The following N4BP3 variants were observed in gnomAD, a reference collection of about 807,000 sequenced individuals.
N4BP3 encodes the protein NEDD4-binding protein 3.
N4BP3 carries 33 observed loss-of-function variants against 43.8 expected under a neutral mutation model. The ratio of observed to expected loss-of-function variants is 0.75; its 90% CI spans 0.57 to 1.01. The LOEUF (loss-of-function observed/expected upper bound fraction) is 1.01. Among genes scored for constraint, N4BP3 ranks in the 50% least tolerant of loss-of-function variants. The pLI is 0.00. For missense variants in N4BP3, 756 were observed against 744.2 expected (o/e 1.02, Z -0.18); for synonymous variants, 326 against 321.9 (o/e 1.01, Z -0.14).
Position 178,118,867 on chromosome 5 carries a change from C to CT in N4BP3, c.-30-671dup, listed in dbSNP as rs1163342087. On this transcript the variant is annotated intron_variant, in intron 1 of 4. Transcript: ENST00000274605. This position sits in a 1 kb window ranked among gnomAD's most constrained non-coding sequence, Gnocchi z 5.4. ...GTCAGGTTCAGCCAGGCTGAGTTTT[C>CT]TTTTTTTTTTTTTTTTGAGATGGAG... Among the ~76,000 whole-genome samples, 3,571 of 137,600 alleles carry CT rather than the reference C, an allele frequency of 0.026. 60 individuals carry two copies. Among genetic ancestry groups the CT allele is most frequent in the East Asian group, 0.084 (394 of 4,706 alleles). The allele number at this position is 137,600 out of a possible 152,430, so 90.3% of individuals were successfully genotyped here. A position where few individuals can be genotyped will look rare whatever the true frequency, so the allele number is the denominator to read the frequency against.
intron 1 of N4BP3, among the ~76,000 whole-genome samples, chr5:178,116,197 AGCTGCCCTG>A (rs1757768557): frequency 9.7e-6 from 1 of 103,464 alleles, no homozygotes; most frequent in Non-Finnish European, 2.1e-5. Flanking sequence ...TGCCCTGCCC[AGCTGCCCTG>A]CCCGGAGCAG....
At position 178,122,045 on chromosome 5, in the gene N4BP3, C is replaced by A; in HGVS notation, c.*44C>A. On this transcript the variant is annotated 3_prime_UTR_variant, in exon 5 of 5. Coordinates refer to ENST00000274605, the MANE Select transcript of N4BP3 (RefSeq NM_015111.2). ...ACAGCAGCAACACTGTCAGAAGGTG[C>A]CCTGAGACGGCCGGCTCAGCCTTCC... is the stretch of plus-strand genomic sequence containing the variant. 6.5e-7 allele frequency: 1 copy of A among 1,528,356 alleles called. No individual in the cohort carries two copies. The highest frequency in any genetic ancestry group is 8.8e-7 in the Non-Finnish European group (1 of 1,140,578). 94.7% of individuals were successfully genotyped at this position (1,528,356 alleles called of 1,614,324 possible). A position where few individuals can be genotyped will look rare whatever the true frequency, so the allele number is the denominator to read the frequency against.
chr5:178,119,764 C>T lies in N4BP3; in HGVS notation c.181C>T (p.Leu61Phe). ...GCGTGAGTTCCTCAGCTACCTGCACCTCCCCAAGAAGGACAGCAAGAGCAC... is the reference window on the plus strand; with the variant it reads ...GCGTGAGTTCCTCAGCTACCTGCACTTCCCCAAGAAGGACAGCAAGAGCAC... ...GQREFLSYLH[L>F]PKKDSKSTKN... Residue 61 changes from leucine to phenylalanine, a missense_variant, in exon 2 of 5, where the codon CTC becomes TTC. Physicochemically the swap from Leu to Phe is conservative, Grantham distance 22. Coordinates refer to ENST00000274605, the MANE Select transcript of N4BP3 (RefSeq NM_015111.2). 1 of 1,613,642 alleles carries T rather than the reference C, an allele frequency of 6.2e-7. No individual in the cohort carries two copies. The highest frequency in any genetic ancestry group is 1.1e-5 in the South Asian group (1 of 91,090).
At chr5:178,127,032 T>C (rs1758079141), downstream of N4BP3, among the ~76,000 whole-genome samples, 1 of 152,350 alleles carries the variant, frequency 6.6e-6, no homozygotes, top group Non-Finnish European at 1.5e-5. Flanking sequence ...TTTCTCCTAT[T>C]AATCTGTCTA....
Position 178,120,711 on chromosome 5 carries a change from C to A in N4BP3, c.852+12C>A. On this transcript the variant is annotated intron_variant, in intron 3 of 4. Coordinates refer to ENST00000274605, the MANE Select transcript of N4BP3 (RefSeq NM_015111.2). ...ACCCCTTCACGCAGGTGAGGGAGCC[C>A]CTGCCCTGGAGTCCTGTTCTGTGCC... 1.3e-6 allele frequency: 2 copies of A among 1,568,170 alleles called. No individual in the cohort carries two copies. Among genetic ancestry groups the A allele is most frequent in the South Asian group, 1.2e-5 (1 of 86,350 alleles).
intron 1 of N4BP3, among the ~76,000 whole-genome samples, chr5:178,116,955 G>T (rs1199748302): frequency 1.3e-5 from 2 of 152,154 alleles, no homozygotes; most frequent in African/African-American, 2.4e-5. Flanking sequence ...GGCAGGCGGG[G>T]TCTTTCCCAC....
In N4BP3 at chr5:178,121,165, A is replaced by T. The variant is rs779693737; in HGVS notation, c.920A>T (p.Glu307Val). The T allele has an allele frequency of 3.7e-6, 6 of 1,601,396 alleles. No individual in the cohort carries two copies. The highest frequency in any genetic ancestry group is 5.1e-6 in the Non-Finnish European group (6 of 1,178,386). ...CGCCTGTATGTGGAGCGGCTGCACG[A>T]GGTGACCCAGAAGGCTGAGCGCAGC... ...LKRLYVERLH[E>V]VTQKAERSER... The change falls in exon 4 of 5, where the codon GAG becomes GTG. Residue 307 changes from glutamate to valine, a missense_variant. By Grantham distance (121) the Glu-to-Val change is moderately radical. Transcript: ENST00000274605.
In N4BP3 at chr5:178,120,620, T is replaced by C. The variant is rs569515802; in HGVS notation, c.773T>C (p.Met258Thr). 17 of 1,610,312 alleles carry C rather than the reference T, an allele frequency of 1.1e-5. No homozygotes were observed. The African/African-American group carries it at 1.7e-4, about 16-fold the overall frequency. Residue 258 changes from methionine (M) to threonine (T), a missense_variant, in exon 3 of 5, where the codon ATG (methionine) becomes ACG (threonine). Met to Thr is a moderately conservative substitution (Grantham distance 81, BLOSUM62 -1). Transcript: ENST00000274605. ...YEFSCSSAEE[M>T]GAVLPETCEE... is the part of the protein sequence containing the mutation. Reference sequence around the variant, plus strand: ...TTCTCCTGCTCCTCTGCCGAGGAAATGGGAGCCGTGCTGCCCGAGACCTGT... The same window carrying C: ...TTCTCCTGCTCCTCTGCCGAGGAAACGGGAGCCGTGCTGCCCGAGACCTGT...
chr5:178,114,063 G>A (rs573852175), intron 1 of N4BP3, among the ~76,000 whole-genome samples: 1 of 152,044 alleles, frequency 6.6e-6, no homozygotes, highest in Non-Finnish European at 1.5e-5. Context: ...GCTTTCCAGG[G>A]AGCAGCGCGC....
rs771291093 is a variant in N4BP3 at position 178,121,784 on chromosome 5, T to A, written c.1418T>A (p.Leu473Gln). ...GCTGAGCAGCTGCGGGCTGAGCTGC[T>A]GCAGGAGCGACTTCGGGGCCAGGAG... The part of the protein sequence containing the change: ...DSAEQLRAEL[L>Q]QERLRGQEQA... The change falls in exon 5 of 5, where the codon CTG becomes CAG. Residue 473 changes from leucine to glutamine, a missense_variant. Physicochemically the swap from Leu to Gln is moderately radical, Grantham distance 113. Transcript: ENST00000274605. The A allele has an allele frequency of 2.9e-5, 46 of 1,608,596 alleles. No individual in the cohort carries two copies. The highest frequency in any genetic ancestry group is 3.3e-5 in the Non-Finnish European group (39 of 1,179,610).
At position 178,120,717 on chromosome 5, in the gene N4BP3, C is replaced by G; in HGVS notation, c.852+18C>G. On this transcript the variant is annotated intron_variant, in intron 3 of 4. Transcript: ENST00000274605. ...TCACGCAGGTGAGGGAGCCCCTGCC[C>G]TGGAGTCCTGTTCTGTGCCTCAGCA... is the stretch of plus-strand genomic sequence containing the variant. The G allele has an allele frequency of 6.4e-7, 1 of 1,561,872 alleles. No individual in the cohort carries two copies. Among genetic ancestry groups the G allele is most frequent in the Non-Finnish European group, 8.6e-7 (1 of 1,159,268 alleles).
At chr5:178,114,131 C>T (rs559572917) in intron 1 of N4BP3, among the ~76,000 whole-genome samples, 2 of 152,310 alleles carry the variant, frequency 1.3e-5, no homozygotes, top group South Asian at 2.1e-4. Flanking sequence ...CGTCTGACCT[C>T]GGCCTCCGCC....
intron 1 of N4BP3, among the ~76,000 whole-genome samples, chr5:178,117,244 A>G (rs1188776214): frequency 6.6e-6 from 1 of 152,232 alleles, no homozygotes; most frequent in African/African-American, 2.4e-5. Flanking sequence ...AAGCAGCAAC[A>G]GGAGTTGAGC....
intron 1 of N4BP3, among the ~76,000 whole-genome samples, chr5:178,117,010 G>T (rs901134568): frequency 6.6e-6 from 1 of 152,018 alleles, no homozygotes; most frequent in Non-Finnish European, 1.5e-5. Flanking sequence ...ATGGGGTCTC[G>T]CTATGTTGCT....
rs541313915 is a variant in N4BP3 at position 178,114,863 on chromosome 5, T to C, written c.-31+1092T>C. 2.6e-5 allele frequency among the ~76,000 whole-genome samples: 4 copies of C among 152,310 alleles called. No homozygotes were observed. The East Asian group carries it at 7.7e-4, about 29-fold the overall frequency. On this transcript the variant is annotated intron_variant, in intron 1 of 4. Coordinates refer to ENST00000274605, the MANE Select transcript of N4BP3 (RefSeq NM_015111.2). ...ATTCCAGGCCTGGTGGACCGCAGTC[T>C]AGGGCAGCCTGGTTGCAAGTGTCCT...
chr5:178,116,944 G>A (rs920516288), intron 1 of N4BP3, among the ~76,000 whole-genome samples: 1 of 152,158 alleles, frequency 6.6e-6, no homozygotes, highest in African/African-American at 2.4e-5. Flanking sequence ...GAGGAAAGCC[G>A]GGCAGGCGGG....
chr5:178,121,363 A>G lies in N4BP3; in HGVS notation c.1107+11A>G. 2 of 1,604,812 alleles carry G rather than the reference A, an allele frequency of 1.2e-6. No homozygotes were observed. The highest frequency in any genetic ancestry group is 2.2e-5 in the South Asian group (2 of 90,034). ...GAAGCCCGATGGGAGGTGAGAGATG[A>G]CACAGGGCTCCGAGACTCTCCCATC... On this transcript the variant is annotated intron_variant, in intron 4 of 4. Coordinates refer to ENST00000274605, the MANE Select transcript of N4BP3 (RefSeq NM_015111.2).
chr5:178,121,295 C>T lies in N4BP3; in HGVS notation c.1050C>T (p.Pro350=), dbSNP rs538828869. ...GCCTGGCTCCGGAGCCTCGGGCCCC[C>T]GGCACCCTCCCAGAGGCTGACCCCA... is the stretch of plus-strand genomic sequence containing the variant. ...QQGLAPEPRA[P]GTLPEADPSA... The change falls in exon 4 of 5, where the codon CCC becomes CCT. Residue 350 remains proline, a synonymous_variant. Transcript: ENST00000274605. 70 of 1,606,022 alleles carry T rather than the reference C, an allele frequency of 4.4e-5. No homozygotes were observed. The highest frequency in any genetic ancestry group is 2.9e-4 in the East Asian group (13 of 44,634).
At chr5:178,115,252 A>G (rs1757745969) in intron 1 of N4BP3, among the ~76,000 whole-genome samples, 1 of 152,200 alleles carries the variant, frequency 6.6e-6, no homozygotes, top group African/African-American at 2.4e-5. Context: ...CGCAGGCTTT[A>G]GCCCCTGTCT....
Sources: allele counts gnomAD v4.1 joint callset (sites outside exome capture counted in the v4.1 genomes callset), GRCh38; gene constraint gnomAD v4.1.1; non-coding constraint Gnocchi (gnomAD v3.1); transcripts MANE v1.5; gene names NCBI Gene and HGNC (gene_info 2026-07-23, HGNC 2026-07-21).